OR8J3: variants seen among roughly 807,000 people sequenced by gnomAD.
OR8J3 encodes olfactory receptor family 8 subfamily J member 3.
For missense variants in OR8J3, 418 were observed against 379.8 expected, an observed-to-expected ratio of 1.10 and a Z score of -0.84; for synonymous variants, 170 against 142.6, an observed-to-expected ratio of 1.19 and a Z score of -1.37.
At position 56,137,362 on chromosome 11, in the gene OR8J3, G is replaced by A; in HGVS notation, c.357C>T (p.Ala119=). 1 of 1,613,986 alleles carries A rather than the reference G, an allele frequency of 6.2e-7. No individual in the cohort carries two copies. The highest frequency in any genetic ancestry group is 1.1e-5 in the South Asian group (1 of 91,058). Residue 119 remains alanine, a synonymous_variant, in exon 2 of 2, where the codon GCC becomes GCT. Transcript: ENST00000642058. The part of the protein sequence containing the change: ...VSEVMMLAVM[A]YDRYVAICNP... ...TACAAATGGCCACATAGCGGTCATA[G>A]GCCATCACAGCCAGCATCATTACCT...
In OR8J3 at chr11:56,136,904, T is replaced by G; in HGVS notation, c.815A>C (p.Lys272Thr). ...CAATGTGTAAAACACAGAAGCCATCTTATCAGTATCCAGTGAGTGGTTGGT... is the reference window on the plus strand; with the variant it reads ...CAATGTGTAAAACACAGAAGCCATCGTATCAGTATCCAGTGAGTGGTTGGT... ...PQTNHSLDTD[K>T]MASVFYTLVI... The change falls in exon 2 of 2, where the codon AAG becomes ACG. Residue 272 changes from lysine to threonine, a missense_variant. Transcript: ENST00000642058. 1 of 1,614,184 alleles carries G rather than the reference T, an allele frequency of 6.2e-7. No individual in the cohort carries two copies. The highest frequency in any genetic ancestry group is 2.2e-5 in the East Asian group (1 of 44,866).
Position 56,137,781 on chromosome 11 carries a change from C to A in OR8J3, c.-63G>T, listed in dbSNP as rs955519745. ...TAAGTGGTTATAGACGTTAAGGAAT[C>A]ATTTTCTAGGATTTCCACTAGATGG... On this transcript the variant is annotated 5_prime_UTR_variant, in exon 2 of 2. The change abolishes an upstream ATG in the 5' untranslated region. Transcript: ENST00000642058. 39 of 1,364,776 alleles carry A rather than the reference C, an allele frequency of 2.9e-5. No individual in the cohort carries two copies. In the East Asian group the frequency reaches 5.8e-4, roughly 20 times the overall value. The allele number at this position is 1,364,776 out of a possible 1,614,324, so 84.5% of individuals were successfully genotyped here. A position where few individuals can be genotyped will look rare whatever the true frequency, so the allele number is the denominator to read the frequency against.
In OR8J3 at chr11:56,136,350, T is replaced by C. The variant is rs1854329767; in HGVS notation, c.*421A>G. ...CAGTTCAAATTTGTTAACTTTGTTG[T>C]AAAAATGATTTTAGTCATCTGTAGT... On this transcript the variant is annotated 3_prime_UTR_variant, in exon 2 of 2. Coordinates refer to ENST00000642058, the MANE Select transcript of OR8J3 (RefSeq NM_001004064.2). The C allele has an allele frequency of 6.6e-6, 1 of 152,402 alleles. No individual in the cohort carries two copies. Among genetic ancestry groups the C allele is most frequent in the African/African-American group, 2.4e-5 (1 of 41,456 alleles). The allele number at this position is 152,402 out of a possible 1,614,324, so 9.4% of individuals were successfully genotyped here.
At position 56,136,151 on chromosome 11, in the gene OR8J3, T is replaced by A. The variant is rs572719184; in HGVS notation, c.*620A>T. 6.6e-6 allele frequency: 1 copy of A among 152,024 alleles called. No individual in the cohort carries two copies. The highest frequency in any genetic ancestry group is 1.9e-4 in the East Asian group (1 of 5,198). 9.4% of individuals were successfully genotyped at this position (152,024 alleles called of 1,614,324 possible). ...AAGCAAACCCAGTATAAAAGCATAT[T>A]CAGTGATAGTAGTCTGAGCATTTTA... On this transcript the variant is annotated 3_prime_UTR_variant, in exon 2 of 2. Coordinates refer to ENST00000642058, the MANE Select transcript of OR8J3 (RefSeq NM_001004064.2).
rs2134685716 is a variant in OR8J3 at position 56,138,071 on chromosome 11, A to T, written c.-353T>A. On this transcript the variant is annotated 5_prime_UTR_variant, in exon 2 of 2. Coordinates refer to ENST00000642058, the MANE Select transcript of OR8J3 (RefSeq NM_001004064.2). ...CTGGGATGTATCTGATGATTTTTGC[A>T]CTGATCATGAGAAAGGCTTAAGAAA... The T allele has an allele frequency of 4.4e-6, 1 of 226,168 alleles. No homozygotes were observed. The highest frequency in any genetic ancestry group is 5.1e-5 in the Admixed American group (1 of 19,442). 14.0% of individuals were successfully genotyped at this position (226,168 alleles called of 1,614,324 possible). A position where few individuals can be genotyped will look rare whatever the true frequency, so the allele number is the denominator to read the frequency against.
chr11:56,137,906 T>A lies in OR8J3; in HGVS notation c.-188A>T, dbSNP rs1854351783. The A allele has an allele frequency of 7.0e-6, 4 of 573,834 alleles. No individual in the cohort carries two copies. In the East Asian group the frequency reaches 1.2e-4, roughly 17 times the overall value. The allele number at this position is 573,834 out of a possible 1,614,324, so 35.5% of individuals were successfully genotyped here. On this transcript the variant is annotated 5_prime_UTR_variant, in exon 2 of 2. Transcript: ENST00000642058. ...CTAATAAATCAGCTTTGCAATCACT[T>A]GGGAGAGAGTAAAGCAAGTATGGTA...
At position 56,135,091 on chromosome 11, in the gene OR8J3, G is replaced by C. The variant is rs145943414; in HGVS notation, c.*1680C>G. 53 of 151,886 alleles carry C rather than the reference G, an allele frequency of 3.5e-4. No homozygotes were observed. The highest frequency in any genetic ancestry group is 2.1e-3 in the Admixed American group (32 of 15,252). The allele number at this position is 151,886 out of a possible 1,614,324, so 9.4% of individuals were successfully genotyped here. ...CATATTTGGCTACAAACAATTTTATGGTCTTCTAGCATTTCTTCCTAAATC... is the reference window on the plus strand; with the variant it reads ...CATATTTGGCTACAAACAATTTTATCGTCTTCTAGCATTTCTTCCTAAATC... On this transcript the variant is annotated 3_prime_UTR_variant, in exon 2 of 2. Transcript: ENST00000642058.
At chr11:56,139,167 A>G (rs2134686640) in intron 1 of OR8J3, among the ~76,000 whole-genome samples, 2 of 152,284 alleles carry the variant, frequency 1.3e-5, no homozygotes, top group South Asian at 4.1e-4. Context: ...CACCTGGTCC[A>G]AATAAGTCTT....
rs1854340144 is a variant in OR8J3, at chr11:56,137,173, T to A, written c.546A>T (p.Ala182=). 3 of 1,613,442 alleles carry A rather than the reference T, an allele frequency of 1.9e-6. No individual in the cohort carries two copies. Among genetic ancestry groups the A allele is most frequent in the Non-Finnish European group, 2.5e-6 (3 of 1,179,642 alleles). ...NIINHFYCDI[A]PLLALSCSDT... Reference sequence around the variant, plus strand: ...CAGAGCAAGATAATGCTAACAGAGGTGCAATATCACAGTAAAAATGATTGA... The same window carrying A: ...CAGAGCAAGATAATGCTAACAGAGGAGCAATATCACAGTAAAAATGATTGA... Residue 182 remains alanine (A), a synonymous_variant, in exon 2 of 2, where the codon GCA becomes GCT. Transcript: ENST00000642058.
chr11:56,134,771 C>G lies in OR8J3; in HGVS notation c.*2000G>C, dbSNP rs1313927020. 2 of 151,942 alleles carry G rather than the reference C, an allele frequency of 1.3e-5. No individual in the cohort carries two copies. Among genetic ancestry groups the G allele is most frequent in the African/African-American group, 2.4e-5 (1 of 41,378 alleles). The allele number at this position is 151,942 out of a possible 1,614,324, so 9.4% of individuals were successfully genotyped here. ...TTAATATTTTTCCCTACTTTAGCAT[C>G]AAAATAAAGTCATATTTTCTGGAAT... is the stretch of plus-strand genomic sequence containing the variant. On this transcript the variant is annotated 3_prime_UTR_variant, in exon 2 of 2. Coordinates refer to ENST00000642058, the MANE Select transcript of OR8J3 (RefSeq NM_001004064.2).
At position 56,137,148 on chromosome 11, in the gene OR8J3, C is replaced by G. The variant is rs1854339720; in HGVS notation, c.571G>C (p.Asp191His). ...IAPLLALSCS[D>H]TYIPETIVFI... is the part of the protein sequence containing the mutation. ...ACTATTGTTTCTGGTATGTAAGTAT[C>G]AGAGCAAGATAATGCTAACAGAGGT... The change falls in exon 2 of 2, where the codon GAT (aspartate) becomes CAT (histidine). Residue 191 changes from aspartate (D) to histidine (H), a missense_variant. By Grantham distance (81) the Asp-to-His change is moderately conservative. Coordinates refer to ENST00000642058, the MANE Select transcript of OR8J3 (RefSeq NM_001004064.2). 6.2e-7 allele frequency: 1 copy of G among 1,612,912 alleles called. No individual in the cohort carries two copies. The highest frequency in any genetic ancestry group is 1.3e-5 in the African/African-American group (1 of 74,762).
rs768740274 is a variant in OR8J3 at position 56,137,069 on chromosome 11, G to T, written c.650C>A (p.Ser217Tyr). 9 of 1,613,808 alleles carry T rather than the reference G, an allele frequency of 5.6e-6. No homozygotes were observed. Among genetic ancestry groups the T allele is most frequent in the Non-Finnish European group, 7.6e-6 (9 of 1,179,938 alleles). The change falls in exon 2 of 2, where the codon TCT (serine) becomes TAT (tyrosine). Residue 217 changes from serine to tyrosine, a missense_variant. By Grantham distance (144) the Ser-to-Tyr change is moderately radical. Transcript: ENST00000642058. Reference protein sequence around the residue: ...LVFSMITVLVSYFNIVLSILR... With the variant: ...LVFSMITVLVYYFNIVLSILR... ...AATGGACAAAACAATATTGAAATAA[G>T]ATACTAGAACTGTAATCATGGAAAA...
At position 56,137,477 on chromosome 11, in the gene OR8J3, A is replaced by G; in HGVS notation, c.242T>C (p.Met81Thr). 1 of 1,614,220 alleles carries G rather than the reference A, an allele frequency of 6.2e-7. No individual in the cohort carries two copies. The highest frequency in any genetic ancestry group is 8.5e-7 in the Non-Finnish European group (1 of 1,180,026). ...CTTCTTTACTAAAAAGTTCATCAGCATTTTAGGGGCAATGACAGTAGAGTT... is the reference window on the plus strand; with the variant it reads ...CTTCTTTACTAAAAAGTTCATCAGCGTTTTAGGGGCAATGACAGTAGAGTT... ...LGNSTVIAPK[M>T]LMNFLVKKKT... The change falls in exon 2 of 2, where the codon ATG becomes ACG. Residue 81 changes from methionine to threonine, a missense_variant. Coordinates refer to ENST00000642058, the MANE Select transcript of OR8J3 (RefSeq NM_001004064.2).
Position 56,137,278 on chromosome 11 carries a change from G to A in OR8J3, c.441C>T (p.Leu147=). 1.9e-6 allele frequency: 3 copies of A among 1,614,096 alleles called. No individual in the cohort carries two copies. The highest frequency in any genetic ancestry group is 2.5e-6 in the Non-Finnish European group (3 of 1,180,014). Residue 147 remains leucine (L), a synonymous_variant, in exon 2 of 2, where the codon CTC becomes CTT. Transcript: ENST00000642058. The part of the protein sequence containing the change: ...SRRLCLLLVS[L]TYLYGFSTAI... Reference sequence around the variant, plus strand: ...CTGTAGAAAAGCCATAGAGGTATGTGAGGGACACCAGCAGGAGGCAGAGCC... The same window carrying A: ...CTGTAGAAAAGCCATAGAGGTATGTAAGGGACACCAGCAGGAGGCAGAGCC...
rs1253678358 is a variant in OR8J3 at position 56,134,995 on chromosome 11, G to A, written c.*1776C>T. On this transcript the variant is annotated 3_prime_UTR_variant, in exon 2 of 2. Coordinates refer to ENST00000642058, the MANE Select transcript of OR8J3 (RefSeq NM_001004064.2). ...ACTTTCATTGCATTATAATATTTAGGGTTGAAAATTTAATTAAAAACCCGA... is the reference window on the plus strand; with the variant it reads ...ACTTTCATTGCATTATAATATTTAGAGTTGAAAATTTAATTAAAAACCCGA... The A allele has an allele frequency of 6.6e-6, 1 of 151,728 alleles. No homozygotes were observed. The highest frequency in any genetic ancestry group is 2.4e-5 in the African/African-American group (1 of 41,336). 9.4% of individuals were successfully genotyped at this position (151,728 alleles called of 1,614,324 possible).
At chr11:56,138,658 C>A (rs1180884130) in intron 1 of OR8J3, among the ~76,000 whole-genome samples, 161 bp from the exon 2 acceptor site, 1 of 150,078 alleles carries the variant, frequency 6.7e-6, no homozygotes, top group African/African-American at 2.4e-5. Flanking sequence ...TGCGCCACTG[C>A]ACTCCAGCCT....
rs1854324144 is a variant in OR8J3 at position 56,135,747 on chromosome 11, C to A, written c.*1024G>T. The A allele has an allele frequency of 6.6e-6, 1 of 151,964 alleles. No individual in the cohort carries two copies. Among genetic ancestry groups the A allele is most frequent in the Admixed American group, 6.6e-5 (1 of 15,244 alleles). 9.4% of individuals were successfully genotyped at this position (151,964 alleles called of 1,614,324 possible). On this transcript the variant is annotated 3_prime_UTR_variant, in exon 2 of 2. Coordinates refer to ENST00000642058, the MANE Select transcript of OR8J3 (RefSeq NM_001004064.2). ...TGTCAACATAATCTTCCATATGTAT[C>A]TTTCAGTCTAGTTCTTTATTTGTAG...
rs1203723352 is a variant in OR8J3, at chr11:56,135,349, T to C, written c.*1422A>G. 6.6e-6 allele frequency: 1 copy of C among 152,014 alleles called. No individual in the cohort carries two copies. The highest frequency in any genetic ancestry group is 1.5e-5 in the Non-Finnish European group (1 of 67,880). 9.4% of individuals were successfully genotyped at this position (152,014 alleles called of 1,614,324 possible). A position where few individuals can be genotyped will look rare whatever the true frequency, so the allele number is the denominator to read the frequency against. On this transcript the variant is annotated 3_prime_UTR_variant, in exon 2 of 2. Coordinates refer to ENST00000642058, the MANE Select transcript of OR8J3 (RefSeq NM_001004064.2). ...TTGGGACTGTGGAAAAGTGATTATG[T>C]TACCTCAAAAATCTCATCTTATGCA...
rs1309032723 is a variant in OR8J3 at position 56,136,813 on chromosome 11, C to T, written c.906G>A (p.Lys302=). 5.0e-6 allele frequency: 8 copies of T among 1,601,198 alleles called. No homozygotes were observed. In the South Asian group the frequency reaches 6.8e-5, roughly 14 times the overall value. ...LRNNDVNVAL[K]KFMENPCYSF... ...AGTAACATGGATTTTCCATGAATTT[C>T]TTTAAGGCAACATTTACATCATTAT... The change falls in exon 2 of 2, where the codon AAG becomes AAA. Residue 302 remains lysine, a synonymous_variant. Transcript: ENST00000642058.
Sources: allele counts gnomAD v4.1 joint callset (sites outside exome capture counted in the v4.1 genomes callset), GRCh38; gene constraint gnomAD v4.1.1; transcripts MANE v1.5; gene names NCBI Gene and HGNC (gene_info 2026-07-23, HGNC 2026-07-21).